Variants in VRK2 observed in about 807,000 individuals in gnomAD.
VRK2 encodes the protein VRK serine/threonine kinase 2.
VRK2 carries 60 observed loss-of-function variants against 57.6 expected under a neutral mutation model. The observed-to-expected ratio is 1.04, with a 90% confidence interval of 0.85 to 1.29. The LOEUF is 1.29. VRK2 is among the 50% of genes most tolerant of loss of function. VRK2 has a pLI of 0.00. For synonymous variants in VRK2, 231 were observed against 199.2 expected (o/e 1.16, Z -1.35); for missense variants, 705 against 588.1 (o/e 1.20, Z -2.06).
intron 1 of VRK2, among the ~76,000 whole-genome samples, chr2:58,005,371 G>C (rs554388455): frequency 6.6e-6 from 1 of 152,164 alleles, no homozygotes; most frequent in African/African-American, 2.4e-5. Flanking sequence ...AAAGTGTGTA[G>C]ATTAAAATGA....
At chr2:57,966,275 G>A (rs1251226105) in intron 1 of VRK2, among the ~76,000 whole-genome samples, 1 of 152,206 alleles carries the variant, frequency 6.6e-6, no homozygotes, top group African/African-American at 2.4e-5. Context: ...GGTTGCAGCT[G>A]AGGAATACAG....
At chr2:58,044,658 A>G (rs1674603496), upstream of VRK2, among the ~76,000 whole-genome samples, 1 of 152,188 alleles carries the variant, frequency 6.6e-6, no homozygotes, top group Admixed American at 6.5e-5. Context: ...GGTCTCACTG[A>G]ACTGACTTTT....
chr2:58,048,775 T>A lies in VRK2; in HGVS notation c.-5-52T>A, dbSNP rs186371120. On this transcript the variant is annotated intron_variant, in intron 1 of 12. Coordinates refer to ENST00000340157, the MANE Select transcript of VRK2 (RefSeq NM_006296.7). Reference sequence around the variant, plus strand: ...TTTTGGGAAGTGTATTTTAAGAGTTTTGTTTGTTTGTTTTTCTTTTTACCC... The same window carrying A: ...TTTTGGGAAGTGTATTTTAAGAGTTATGTTTGTTTGTTTTTCTTTTTACCC... 5.6e-4 allele frequency: 892 copies of A among 1,588,640 alleles called. 5 individuals carry two copies. The African/African-American group carries it at 0.011, about 19-fold the overall frequency.
chr2:58,055,514 T>C (rs1676388204), intron 2 of VRK2, among the ~76,000 whole-genome samples: 1 of 150,606 alleles, frequency 6.6e-6, no homozygotes, highest in Non-Finnish European at 1.5e-5. Flanking sequence ...AGAGAAAGTA[T>C]TGTAATGAAG....
At chr2:57,958,492 ATG>A (rs1040985200) in intron 1 of VRK2, among the ~76,000 whole-genome samples, 15 of 151,630 alleles carry the variant, frequency 9.9e-5, no homozygotes, top group East Asian at 1.9e-4. Context: ...TATATCATAT[ATG>A]TGTCATATGC....
chr2:58,052,198 A>C (rs927692807), intron 2 of VRK2, among the ~76,000 whole-genome samples: 2 of 152,226 alleles, frequency 1.3e-5, no homozygotes. Flanking sequence ...TCTATTCTGC[A>C]TAATTGTGAT....
At chr2:57,944,980 C>T (rs1671217692) in intron 1 of VRK2, among the ~76,000 whole-genome samples, 1 of 152,074 alleles carries the variant, frequency 6.6e-6, no homozygotes, top group African/African-American at 2.4e-5. Context: ...TCCGTTGTTA[C>T]AGCCAATTTA....
chr2:58,014,956 C>T (rs1452381435), intron 1 of VRK2, among the ~76,000 whole-genome samples: 7 of 152,034 alleles, frequency 4.6e-5, no homozygotes, highest in Non-Finnish European at 1.0e-4. Flanking sequence ...TTGATTTTCC[C>T]TCAGTAAAAT....
At chr2:57,947,693 A>G (rs1244560505) in intron 1 of VRK2, among the ~76,000 whole-genome samples, 1 of 152,198 alleles carries the variant, frequency 6.6e-6, no homozygotes, top group Admixed American at 6.5e-5. Flanking sequence ...AAACATATCT[A>G]TCACATGAGT....
chr2:58,032,516 G>A (rs574699675), intron 2 of VRK2, among the ~76,000 whole-genome samples: 1 of 152,128 alleles, frequency 6.6e-6, no homozygotes, highest in East Asian at 1.9e-4. Context: ...ATCTTCCAAA[G>A]GTCCCACCTG....
intron 1 of VRK2, among the ~76,000 whole-genome samples, chr2:58,009,624 T>C (rs187054335): frequency 2.6e-5 from 4 of 151,394 alleles, no homozygotes; most frequent in Admixed American, 1.3e-4. Flanking sequence ...ATGACTTGAT[T>C]TTCTACAGGG....
At chr2:58,094,833 C>G (rs900944461) in intron 7 of VRK2, among the ~76,000 whole-genome samples, 2 of 152,076 alleles carry the variant, frequency 1.3e-5, no homozygotes, top group Non-Finnish European at 2.9e-5. Flanking sequence ...ACTGATTTGT[C>G]TATTTATATA....
intron 2 of VRK2, among the ~76,000 whole-genome samples, chr2:58,049,343 C>T (rs1675362214): frequency 6.6e-6 from 1 of 152,032 alleles, no homozygotes; most frequent in African/African-American, 2.4e-5. Flanking sequence ...AATATTTAGG[C>T]AATACAAGAG....
intron 2 of VRK2, among the ~76,000 whole-genome samples, chr2:58,027,428 G>T (rs763783514): frequency 1.3e-5 from 2 of 152,048 alleles, no homozygotes; most frequent in African/African-American, 4.8e-5. Flanking sequence ...CCTCTAAATT[G>T]AATGAATATA....
chr2:58,032,524 C>T (rs1228633596), intron 2 of VRK2, among the ~76,000 whole-genome samples: 1 of 152,084 alleles, frequency 6.6e-6, no homozygotes, highest in Non-Finnish European at 1.5e-5. Flanking sequence ...AAGGTCCCAC[C>T]TGCAAATACT....
intron 11 of VRK2, among the ~76,000 whole-genome samples, chr2:58,141,421 GAACATA>G (rs1197875122): frequency 6.6e-6 from 1 of 151,732 alleles, no homozygotes; most frequent in African/African-American, 2.4e-5. Flanking sequence ...GTAGAGAATA[GAACATA>G]AAACACTTTT....
intron 3 of VRK2, among the ~76,000 whole-genome samples, chr2:58,039,096 C>G (rs556495916): frequency 1.1e-4 from 16 of 152,154 alleles, no homozygotes; most frequent in Admixed American, 6.5e-4. Flanking sequence ...AGATGTGAAA[C>G]AGCAAGTAAG....
intron 7 of VRK2, among the ~76,000 whole-genome samples, chr2:58,109,924 T>C (rs2104403977): frequency 6.6e-6 from 1 of 152,302 alleles, no homozygotes; most frequent in East Asian, 1.9e-4. Flanking sequence ...CAGAGGGTTC[T>C]TTTTAATCAT....
chr2:57,940,493 T>G (rs533697060), intron 1 of VRK2, among the ~76,000 whole-genome samples: 1 of 152,146 alleles, frequency 6.6e-6, no homozygotes, highest in Admixed American at 6.5e-5. Flanking sequence ...AAACCAGAAA[T>G]AATATTTAAT....
Sources: gnomAD v4.1 joint callset for allele counts (sites outside exome capture counted in the v4.1 genomes callset) on GRCh38, gnomAD v4.1.1 for gene constraint, MANE v1.5 for transcripts, NCBI Gene and HGNC (gene_info 2026-07-23, HGNC 2026-07-21) for gene names.